Variants in PLEKHH1 observed in about 807,000 individuals in gnomAD.
The protein encoded by PLEKHH1 is pleckstrin homology, MyTH4 and FERM domain containing H1, also known as pleckstrin homology domain-containing family H member 1.
In PLEKHH1, 104 loss-of-function variants were observed where a neutral mutation model predicts 160.0. That is an observed-to-expected ratio of 0.65 (90% confidence interval 0.55 to 0.76). The LOEUF is 0.76. Ranked by LOEUF, PLEKHH1 falls within the 30% of genes least tolerant of loss-of-function variation. The pLI, the probability that PLEKHH1 is intolerant of heterozygous loss-of-function variation, is 0.00. For missense variants in PLEKHH1, 1,427 were observed against 1,724.1 expected, an observed-to-expected ratio of 0.83 and a Z score of 3.05; for synonymous variants, 619 against 678.4, an observed-to-expected ratio of 0.91 and a Z score of 1.36.
Position 67,576,308 on chromosome 14 carries a change from T to G in PLEKHH1, c.2353-87T>G. On this transcript the variant is annotated intron_variant, in intron 16 of 28. Coordinates refer to ENST00000329153, the MANE Select transcript of PLEKHH1 (RefSeq NM_020715.3). The surrounding 1 kb of genome is among the most constrained non-coding windows in gnomAD (Gnocchi z 4.0). ...CAAACTAGCTGAACCCCACATGGGCTTGGTCCCTTCAAGGAGTCCTCCTTG... is the reference window on the plus strand; with the variant it reads ...CAAACTAGCTGAACCCCACATGGGCGTGGTCCCTTCAAGGAGTCCTCCTTG... The G allele has an allele frequency of 1.4e-6, 1 of 724,150 alleles. No homozygotes were observed. The highest frequency in any genetic ancestry group is 2.3e-6 in the Non-Finnish European group (1 of 426,066). 44.9% of individuals were successfully genotyped at this position (724,150 alleles called of 1,614,324 possible).
intron 11 of PLEKHH1, 101 bp downstream of exon 11, chr14:67,572,378 G>A (rs890630559): frequency 1.0e-6 from 1 of 996,018 alleles, no homozygotes; most frequent in South Asian, 1.7e-5. Flanking sequence ...TGAAGTGAGG[G>A]GTCCCTAGAG....
At position 67,588,170 on chromosome 14, in the gene PLEKHH1, A is replaced by C. The variant is rs904660710; in HGVS notation, c.*935A>C. 6.6e-6 allele frequency: 1 copy of C among 152,656 alleles called. No individual in the cohort carries two copies. The highest frequency in any genetic ancestry group is 2.4e-5 in the African/African-American group (1 of 41,450). 9.5% of individuals were successfully genotyped at this position (152,656 alleles called of 1,614,324 possible). ...CTTTAGGCCAAACCCAGTACCACGC[A>C]ATGTGCAAGCAAGGGCAGGAGGTAG... On this transcript the variant is annotated 3_prime_UTR_variant, in exon 29 of 29. Coordinates refer to ENST00000329153, the MANE Select transcript of PLEKHH1 (RefSeq NM_020715.3).
intron 1 of PLEKHH1, chr14:67,533,666 C>G (rs1194273374): frequency 6.6e-6 from 1 of 152,152 alleles, no homozygotes; most frequent in Non-Finnish European, 1.5e-5. Flanking sequence ...GATCCAGCCG[C>G]TCCTGGGAAG....
chr14:67,563,223 G>A (rs943554277), intron 7 of PLEKHH1, among the ~76,000 whole-genome samples: 1 of 152,206 alleles, frequency 6.6e-6, no homozygotes, highest in African/African-American at 2.4e-5. Flanking sequence ...ATAGGCCCCA[G>A]AAGCAAACCA....
chr14:67,556,479 A>G (rs1228254307), intron 3 of PLEKHH1, among the ~76,000 whole-genome samples: 1 of 151,928 alleles, frequency 6.6e-6, no homozygotes, highest in Non-Finnish European at 1.5e-5. Context: ...GGATCTCACT[A>G]TTTGCCCAGG....
chr14:67,536,760 G>C (rs965926767), intron 1 of PLEKHH1, among the ~76,000 whole-genome samples: 6 of 151,764 alleles, frequency 4.0e-5, no homozygotes, highest in African/African-American at 1.2e-4. Flanking sequence ...CTTAATCTTG[G>C]GGTCGGGAGT....
At position 67,578,169 on chromosome 14, in the gene PLEKHH1, C is replaced by G. The variant is rs2035715176; in HGVS notation, c.2721C>G (p.Cys907Trp). The G allele has an allele frequency of 4.3e-6, 7 of 1,613,914 alleles. No homozygotes were observed. Among genetic ancestry groups the G allele is most frequent in the Non-Finnish European group, 5.9e-6 (7 of 1,179,868 alleles). Residue 907 changes from cysteine (C) to tryptophan (W), a missense_variant, in exon 19 of 29, where the codon TGC (cysteine) becomes TGG (tryptophan). By Grantham distance (215) the Cys-to-Trp change is radical. This residue lies in a region of PLEKHH1 where 436 missense variants were observed against 607.5 expected (regional missense o/e 0.72). Transcript: ENST00000329153. The surrounding 1 kb of genome is among the most constrained non-coding windows in gnomAD (Gnocchi z 5.0). ...GCCAACTCATGAAGCAGACCAGCTG[C>G]CGCCCACCTCAGAAGTACTCCCTCA... ...IYCQLMKQTS[C>W]RPPQKYSLMQ...
chr14:67,563,268 A>T (rs373614265), intron 7 of PLEKHH1, among the ~76,000 whole-genome samples: 58 of 152,330 alleles, frequency 3.8e-4, no homozygotes, highest in African/African-American at 1.3e-3. Context: ...GACCTTGGAC[A>T]TGTTACTGAA....
chr14:67,560,392 A>G (rs190430544), intron 5 of PLEKHH1, among the ~76,000 whole-genome samples: 1 of 152,346 alleles, frequency 6.6e-6, no homozygotes, highest in Admixed American at 6.5e-5. Flanking sequence ...TATACATAAA[A>G]TGTACCATTT....
In PLEKHH1 at chr14:67,569,952, G is replaced by A; in HGVS notation, c.1374G>A (p.Gly458=). ...ASSPPALVSP[G]SFSGLVYKNV... ...GCCCTCCTGCCCTTGTTTCCCCTGG[G>A]TCTTTCTCTGGCCTGGTCTACAAGA... The change falls in exon 9 of 29, where the codon GGG becomes GGA. Residue 458 remains glycine, a synonymous_variant. Transcript: ENST00000329153. 1 of 1,610,264 alleles carries A rather than the reference G, an allele frequency of 6.2e-7. No homozygotes were observed. Among genetic ancestry groups the A allele is most frequent in the Non-Finnish European group, 8.5e-7 (1 of 1,178,104 alleles).
Position 67,584,029 on chromosome 14 carries a change from A to G in PLEKHH1, c.3604A>G (p.Thr1202Ala). Residue 1202 changes from threonine to alanine, a missense_variant, in exon 26 of 29, where the codon ACA (threonine) becomes GCA (alanine). Physicochemically the swap from Thr to Ala is moderately conservative, Grantham distance 58 (BLOSUM62 0). Around this residue, in one of 6 missense-constraint regions of PLEKHH1, gnomAD observed 436 missense variants for 607.5 expected, o/e 0.72. Transcript: ENST00000329153. ...LADMLTTKWA[T>A]LQGCSPPECI... ...AGATATGTTGACCACAAAATGGGCA[A>G]CATTGCAAGGATGCTCCCCTCCTGA... The G allele has an allele frequency of 6.2e-7, 1 of 1,614,042 alleles. No individual in the cohort carries two copies.
chr14:67,561,322 G>A (rs564024107), intron 5 of PLEKHH1, among the ~76,000 whole-genome samples: 4 of 152,190 alleles, frequency 2.6e-5, no homozygotes, highest in East Asian at 1.9e-4. Flanking sequence ...AGACCTAGGC[G>A]GGTGGATTGC....
At chr14:67,537,229 A>C (rs1401205930) in intron 1 of PLEKHH1, among the ~76,000 whole-genome samples, 169 of 125,228 alleles carry the variant, frequency 1.3e-3, no homozygotes, top group Middle Eastern at 0.011. Context: ...CTGTAATCCC[A>C]GCTACTCAGG....
In PLEKHH1 at chr14:67,589,444, T is replaced by C. The variant is rs1048266348; in HGVS notation, c.*2209T>C. 1 of 985,262 alleles carries C rather than the reference T, an allele frequency of 1.0e-6. No individual in the cohort carries two copies. The highest frequency in any genetic ancestry group is 1.1e-4 in the East Asian group (1 of 8,828). The allele number at this position is 985,262 out of a possible 1,614,324, so 61.0% of individuals were successfully genotyped here. ...TTTGAACTGATATAAAAAAAAATGC[T>C]GAGTAACAGAAAAGTATTAATGTGC... On this transcript the variant is annotated 3_prime_UTR_variant, in exon 29 of 29. Coordinates refer to ENST00000329153, the MANE Select transcript of PLEKHH1 (RefSeq NM_020715.3).
rs12892124 is a variant in PLEKHH1 at position 67,561,781 on chromosome 14, G to T, written c.424-173G>T. The stretch of plus-strand genomic sequence containing the variant: ...GCTACTCAGGAGGCTGAGGTGGGAG[G>T]ATCAGTTGGGCCTGGGAGGTCAAGG... On this transcript the variant is annotated intron_variant, in intron 5 of 28. Transcript: ENST00000329153. Among the ~76,000 whole-genome samples, 702 of 151,166 alleles carry T rather than the reference G, an allele frequency of 4.6e-3. 8 individuals carry two copies. The highest frequency in any genetic ancestry group is 6.6e-3 in the Non-Finnish European group (449 of 67,902).
At position 67,579,114 on chromosome 14, in the gene PLEKHH1, C is replaced by G. The variant is rs1478268718; in HGVS notation, c.2850-20C>G. 2.7e-6 allele frequency: 4 copies of G among 1,477,640 alleles called. No individual in the cohort carries two copies. The highest frequency in any genetic ancestry group is 3.6e-6 in the Non-Finnish European group (4 of 1,101,530). The allele number at this position is 1,477,640 out of a possible 1,614,324, so 91.5% of individuals were successfully genotyped here. A position where few individuals can be genotyped will look rare whatever the true frequency, so the allele number is the denominator to read the frequency against. ...AGAGATGAGCAGAGCCCATAATACT[C>G]CCCTCTTCCGTCTTTTTAGAAGTGA... On this transcript the variant is annotated intron_variant, in intron 20 of 28. Coordinates refer to ENST00000329153, the MANE Select transcript of PLEKHH1 (RefSeq NM_020715.3).
At chr14:67,560,630 G>A (rs571664878) in intron 5 of PLEKHH1, among the ~76,000 whole-genome samples, 1 of 151,970 alleles carries the variant, frequency 6.6e-6, no homozygotes, top group Non-Finnish European at 1.5e-5. Flanking sequence ...GGAAACTCAG[G>A]ACTTGAAGCT....
chr14:67,584,357 TCACA>T (rs148926779), intron 26 of PLEKHH1, among the ~76,000 whole-genome samples: 2,860 of 152,310 alleles, frequency 0.019, 77 homozygotes, highest in African/African-American at 0.061. Flanking sequence ...ATCAACTAAT[TCACA>T]CACACAAAGA....
At position 67,584,016 on chromosome 14, in the gene PLEKHH1, C is replaced by A. The variant is rs2036030479; in HGVS notation, c.3591C>A (p.Thr1197=). The A allele has an allele frequency of 1.2e-6, 2 of 1,614,006 alleles. No homozygotes were observed. Among genetic ancestry groups the A allele is most frequent in the African/African-American group, 1.3e-5 (1 of 75,042 alleles). ...EQLRHLADML[T]TKWATLQGCS... Reference sequence around the variant, plus strand: ...CCAGGCACCTGGCAGATATGTTGACCACAAAATGGGCAACATTGCAAGGAT... The same window carrying A: ...CCAGGCACCTGGCAGATATGTTGACAACAAAATGGGCAACATTGCAAGGAT... The change falls in exon 26 of 29, where the codon ACC becomes ACA. Residue 1197 remains threonine (T), a synonymous_variant. Coordinates refer to ENST00000329153, the MANE Select transcript of PLEKHH1 (RefSeq NM_020715.3).
Sources: allele counts gnomAD v4.1 joint callset (sites outside exome capture counted in the v4.1 genomes callset), GRCh38; gene constraint gnomAD v4.1.1; regional missense constraint gnomAD v4.1.1; non-coding constraint Gnocchi (gnomAD v3.1); transcripts MANE v1.5; gene names NCBI Gene and HGNC (gene_info 2026-07-23, HGNC 2026-07-21).